Variants in ACOT7 observed in about 807,000 individuals in gnomAD.
ACOT7 encodes acyl-CoA thioesterase 7.
ACOT7 carries 12 observed loss-of-function variants against 40.2 expected under a neutral mutation model. The observed-to-expected ratio is 0.30, with a 90% CI of 0.19 to 0.48. ACOT7 has a LOEUF of 0.48. Ranked by LOEUF, ACOT7 falls within the 20% of genes least tolerant of loss-of-function variation. The pLI, the probability that ACOT7 is intolerant of heterozygous loss-of-function variation, is 0.99. For synonymous variants in ACOT7, 228 were observed against 219.5 expected, an observed-to-expected ratio of 1.04 and a Z score of -0.34; for missense variants, 395 against 530.8, an observed-to-expected ratio of 0.74 and a Z score of 2.51.
chr1:6,273,427 C>T (rs1639092610), intron 8 of ACOT7, among the ~76,000 whole-genome samples: 1 of 152,208 alleles, frequency 6.6e-6, no homozygotes, highest in South Asian at 2.1e-4. Context: ...ATTTTCCCAT[C>T]ACAAGACTGA....
At chr1:6,377,393 T>A (rs984574066) in intron 1 of ACOT7, among the ~76,000 whole-genome samples, 1 of 152,036 alleles carries the variant, frequency 6.6e-6, no homozygotes, top group Admixed American at 6.6e-5. Context: ...AAAAAATACA[T>A]TATGTAAAAA....
chr1:6,297,697 T>C (rs921118461), intron 6 of ACOT7, among the ~76,000 whole-genome samples: 6 of 152,192 alleles, frequency 3.9e-5, no homozygotes, highest in African/African-American at 1.4e-4. Context: ...TAAGGACTTA[T>C]AAGTGTGTTT....
At chr1:6,292,329 G>A (rs1208918698) in intron 7 of ACOT7, among the ~76,000 whole-genome samples, 2 of 152,250 alleles carry the variant, frequency 1.3e-5, no homozygotes, top group African/African-American at 4.8e-5. Flanking sequence ...TGTGGCTTGG[G>A]ACAGCGGGAA....
chr1:6,304,139 T>C (rs1160761423), intron 6 of ACOT7, among the ~76,000 whole-genome samples: 6 of 152,118 alleles, frequency 3.9e-5, no homozygotes, highest in Non-Finnish European at 8.8e-5. Flanking sequence ...GGTCGCTTCC[T>C]GGAAGGCCCA....
chr1:6,363,254 C>T (rs905932655), intron 1 of ACOT7, among the ~76,000 whole-genome samples: 6 of 152,198 alleles, frequency 3.9e-5, no homozygotes, highest in South Asian at 2.1e-4. Context: ...CTAGCGGTAA[C>T]GCCAGCGTCT....
intron 1 of ACOT7, among the ~76,000 whole-genome samples, chr1:6,380,037 G>A (rs1200554403): frequency 6.6e-6 from 1 of 151,772 alleles, no homozygotes; most frequent in Non-Finnish European, 1.5e-5. Flanking sequence ...CTGCACTCTA[G>A]CCTGGGCATC....
In ACOT7 at chr1:6,355,138, G is replaced by C. The variant is rs1187937936; in HGVS notation, c.144-5272C>G. Among the ~76,000 whole-genome samples the C allele has an allele frequency of 6.6e-6, 1 of 152,104 alleles. No individual in the cohort carries two copies. Among genetic ancestry groups the C allele is most frequent in the Non-Finnish European group, 1.5e-5 (1 of 68,024 alleles). On this transcript the variant is annotated intron_variant, in intron 1 of 8. Coordinates refer to ENST00000361521, the MANE Select transcript of ACOT7 (RefSeq NM_007274.4). This position sits in a 1 kb window ranked among gnomAD's most constrained non-coding sequence, Gnocchi z 5.0. ...CCTGGCCCTTCCCACCGTTCTACCT[G>C]TCCCAGCAACGCCTGACCCACCCTT... is the stretch of plus-strand genomic sequence containing the variant.
At chr1:6,382,070 G>A (rs987084942) in intron 1 of ACOT7, among the ~76,000 whole-genome samples, 2 of 150,490 alleles carry the variant, frequency 1.3e-5, no homozygotes, top group African/African-American at 2.4e-5. Flanking sequence ...CCCGGGAGGC[G>A]GAGCTTGCAG....
At position 6,359,850 on chromosome 1, in the gene ACOT7, C is replaced by G. The variant is rs1419121352; in HGVS notation, c.144-9984G>C. Among the ~76,000 whole-genome samples the G allele has an allele frequency of 6.6e-6, 1 of 152,202 alleles. No individual in the cohort carries two copies. The highest frequency in any genetic ancestry group is 1.5e-5 in the Non-Finnish European group (1 of 68,046). ...CCTCAACCAGGCTGCACCCGCCGGCCTCTGGGCAAGTTTCACATGTTTAGT... is the reference window on the plus strand; with the variant it reads ...CCTCAACCAGGCTGCACCCGCCGGCGTCTGGGCAAGTTTCACATGTTTAGT... On this transcript the variant is annotated intron_variant, in intron 1 of 8. Transcript: ENST00000361521. This position sits in a 1 kb window ranked among gnomAD's most constrained non-coding sequence, Gnocchi z 4.1.
chr1:6,309,435 C>G (rs756748607), intron 6 of ACOT7, among the ~76,000 whole-genome samples: 10 of 152,146 alleles, frequency 6.6e-5, no homozygotes, highest in Non-Finnish European at 1.5e-4. Flanking sequence ...AGTCTTTCCG[C>G]CTCCTTCCTG....
chr1:6,294,799 CTG>C lies in ACOT7; in HGVS notation c.829+63_829+64del. The stretch of plus-strand genomic sequence containing the variant: ...ACCCTGGGTGTGAACAGAAAACAAA[CTG>C]GTGCAGGGACCCAAGCAGCCGAGGG... On this transcript the variant is annotated intron_variant, in intron 7 of 8. Transcript: ENST00000361521. The surrounding 1 kb of genome is among the most constrained non-coding windows in gnomAD (Gnocchi z 4.6). The C allele has an allele frequency of 1.5e-6, 2 of 1,351,056 alleles. No individual in the cohort carries two copies. The highest frequency in any genetic ancestry group is 2.1e-6 in the Non-Finnish European group (2 of 949,432). The allele number at this position is 1,351,056 out of a possible 1,614,324, so 83.7% of individuals were successfully genotyped here.
chr1:6,336,912 AGAGT>A (rs1268515878), intron 3 of ACOT7, among the ~76,000 whole-genome samples: 1 of 152,226 alleles, frequency 6.6e-6, no homozygotes, highest in African/African-American at 2.4e-5. Context: ...TCGCAGTCAC[AGAGT>A]GAGACAACAG....
intron 8 of ACOT7, among the ~76,000 whole-genome samples, chr1:6,271,503 A>G (rs1239672208): frequency 6.6e-6 from 1 of 152,142 alleles, no homozygotes; most frequent in Non-Finnish European, 1.5e-5. Flanking sequence ...GTGCATGGAG[A>G]AGCCAGCAAT....
At chr1:6,277,889 C>T (rs1639241881) in intron 8 of ACOT7, among the ~76,000 whole-genome samples, 1 of 152,176 alleles carries the variant, frequency 6.6e-6, no homozygotes, top group South Asian at 2.1e-4. Flanking sequence ...ATGATGAAGG[C>T]CCCCCATCTT....
chr1:6,279,530 G>A (rs778602766), intron 8 of ACOT7, among the ~76,000 whole-genome samples: 26 of 152,202 alleles, frequency 1.7e-4, no homozygotes, highest in Non-Finnish European at 3.2e-4. Flanking sequence ...GCCTGGTCAC[G>A]AGAGTCATGC....
At chr1:6,334,154 C>T (rs1486922247) in intron 3 of ACOT7, among the ~76,000 whole-genome samples, 2 of 152,328 alleles carry the variant, frequency 1.3e-5, no homozygotes, top group East Asian at 3.9e-4. Flanking sequence ...GGCAGACGCC[C>T]TTCGTTCTGC....
At chr1:6,383,539 G>GT (rs201588214) in intron 1 of ACOT7, among the ~76,000 whole-genome samples, 28,271 of 143,006 alleles carry the variant, frequency 0.2, 4,259 homozygotes, top group African/African-American at 0.41. Context: ...TTTTAACACA[G>GT]TTTTTTTTTT....
Position 6,289,323 on chromosome 1 carries a change from C to T in ACOT7, c.829+5541G>A, listed in dbSNP as rs1057010716. 4.6e-5 allele frequency among the ~76,000 whole-genome samples: 7 copies of T among 152,156 alleles called. No individual in the cohort carries two copies. Among genetic ancestry groups the T allele is most frequent in the African/African-American group, 1.7e-4 (7 of 41,438 alleles). On this transcript the variant is annotated intron_variant, in intron 7 of 8. Coordinates refer to ENST00000361521, the MANE Select transcript of ACOT7 (RefSeq NM_007274.4). The surrounding 1 kb of genome is among the most constrained non-coding windows in gnomAD (Gnocchi z 4.6). ...CCATGTTGGCCAGGCTGGTCTCGAA[C>T]TCCTGACCTCAGGTGATCAGACTGC...
intron 7 of ACOT7, among the ~76,000 whole-genome samples, chr1:6,286,704 T>A (rs1416263774): frequency 6.6e-6 from 1 of 152,170 alleles, no homozygotes; most frequent in Non-Finnish European, 1.5e-5. Context: ...CTCTCCTTCA[T>A]CAGGGGCTCC....
Sources: allele counts gnomAD v4.1 joint callset (sites outside exome capture counted in the v4.1 genomes callset), GRCh38; gene constraint gnomAD v4.1.1; non-coding constraint Gnocchi (gnomAD v3.1); transcripts MANE v1.5; gene names NCBI Gene and HGNC (gene_info 2026-07-23, HGNC 2026-07-21).